PCBD2: variants seen among roughly 807,000 people sequenced by gnomAD.
PCBD2 encodes the protein pterin-4-alpha-carbinolamine dehydratase 2.
Under a neutral mutation model 16.4 loss-of-function variants are expected in PCBD2, and 12 were observed. The observed-to-expected ratio is 0.73, with a 90% confidence interval of 0.47 to 1.19. PCBD2 has a LOEUF of 1.19. PCBD2 is among the 50% of genes most tolerant of loss of function. The pLI, the probability that PCBD2 is intolerant of heterozygous loss-of-function variation, is 0.00. For missense variants in PCBD2, 138 were observed against 156.8 expected (o/e 0.88, Z 0.64); for synonymous variants, 58 against 61.8 (o/e 0.94, Z 0.29).
At chr5:134,959,254 A>G (rs1296069024) in intron 3 of PCBD2, 134 bp downstream of exon 3, 5 of 612,396 alleles carry the variant, frequency 8.2e-6, no homozygotes, top group African/African-American at 5.7e-5. Context: ...ATCCCTGTGT[A>G]TTATTGCAAA....
chr5:134,936,347 C>G (rs1304453284), intron 2 of PCBD2, among the ~76,000 whole-genome samples: 3 of 152,176 alleles, frequency 2.0e-5, no homozygotes, highest in Non-Finnish European at 4.4e-5. Flanking sequence ...TCTGCTCCTT[C>G]ACTCCTTAAT....
chr5:134,938,820 G>A (rs1445783190), intron 2 of PCBD2, among the ~76,000 whole-genome samples: 1 of 152,112 alleles, frequency 6.6e-6, no homozygotes, highest in South Asian at 2.1e-4. Flanking sequence ...TTGTTTTGAC[G>A]TAACCAAACT....
At position 134,961,786 on chromosome 5, in the gene PCBD2, G is replaced by A. The variant is rs1027387322; in HGVS notation, c.*1105G>A. On this transcript the variant is annotated 3_prime_UTR_variant, in exon 4 of 4. Coordinates refer to ENST00000254908, the MANE Select transcript of PCBD2 (RefSeq NM_032151.5). ...CTTTTGTTTTGTTTTGTTTGAGACGGGGTCTCGCTCTGCTGCCCAGGCTGG... is the reference window on the plus strand; with the variant it reads ...CTTTTGTTTTGTTTTGTTTGAGACGAGGTCTCGCTCTGCTGCCCAGGCTGG... Among the ~76,000 whole-genome samples the A allele has an allele frequency of 6.6e-6, 1 of 152,052 alleles. No homozygotes were observed. Among genetic ancestry groups the A allele is most frequent in the Non-Finnish European group, 1.5e-5 (1 of 67,996 alleles).
intron 2 of PCBD2, among the ~76,000 whole-genome samples, chr5:134,936,424 G>A (rs567040848): frequency 6.6e-6 from 1 of 152,368 alleles, no homozygotes; most frequent in African/African-American, 2.4e-5. Flanking sequence ...AACGGGAGCT[G>A]TGACCAGGGC....
At chr5:134,913,357 G>A (rs1750790447) in intron 2 of PCBD2, among the ~76,000 whole-genome samples, 1 of 152,192 alleles carries the variant, frequency 6.6e-6, no homozygotes, top group Non-Finnish European at 1.5e-5. Context: ...GATCTCTGAG[G>A]CCTGAATAAT....
intron 2 of PCBD2, chr5:134,925,217 C>T: frequency 2.5e-6 from 1 of 398,182 alleles, no homozygotes; most frequent in Non-Finnish European, 4.4e-6. Flanking sequence ...AGGGAGGTGG[C>T]GATGAGAGTA....
At chr5:134,912,827 T>C (rs1171125711) in intron 2 of PCBD2, among the ~76,000 whole-genome samples, 1 of 152,066 alleles carries the variant, frequency 6.6e-6, no homozygotes, top group African/African-American at 2.4e-5. Flanking sequence ...GTGTCAGGAG[T>C]TGGTTTTCTC....
rs193074057 is a variant in PCBD2 at position 134,956,217 on chromosome 5, A to C, written c.217-2823A>C. Reference sequence around the variant, plus strand: ...TAGTATTTTATTAAATGCAAATATTATGTGACAGTTGAAGGGAAATATGCA... The same window carrying C: ...TAGTATTTTATTAAATGCAAATATTCTGTGACAGTTGAAGGGAAATATGCA... On this transcript the variant is annotated intron_variant, in intron 2 of 3. Transcript: ENST00000254908. 1.1e-4 allele frequency among the ~76,000 whole-genome samples: 16 copies of C among 152,270 alleles called. No homozygotes were observed. In the East Asian group the frequency reaches 3.1e-3, roughly 29 times the overall value.
At chr5:134,938,469 A>T (rs914104821) in intron 2 of PCBD2, among the ~76,000 whole-genome samples, 1 of 152,232 alleles carries the variant, frequency 6.6e-6, no homozygotes, top group Admixed American at 6.5e-5. Context: ...TTTTCACCAT[A>T]TGACGAGGGT....
intron 2 of PCBD2, among the ~76,000 whole-genome samples, chr5:134,945,329 C>T (rs1269241605): frequency 6.6e-6 from 1 of 152,132 alleles, no homozygotes; most frequent in East Asian, 1.9e-4. Flanking sequence ...CCTACCTGCA[C>T]AGAGAAGGTG....
chr5:134,929,051 A>G (rs917475705), intron 2 of PCBD2, among the ~76,000 whole-genome samples: 1 of 152,212 alleles, frequency 6.6e-6, no homozygotes, highest in African/African-American at 2.4e-5. Flanking sequence ...AATCATAGGT[A>G]TTTATGGAAA....
At chr5:134,935,624 C>G (rs551678259) in intron 2 of PCBD2, among the ~76,000 whole-genome samples, 41 of 152,120 alleles carry the variant, frequency 2.7e-4, no homozygotes, top group Non-Finnish European at 5.0e-4. Flanking sequence ...GACAAAGAAA[C>G]TGATAACATA....
Position 134,960,756 on chromosome 5 carries a change from A to ACTCT in PCBD2, c.*75_*76insCTCT. 2 of 1,196,040 alleles carry ACTCT rather than the reference A, an allele frequency of 1.7e-6. No homozygotes were observed. The highest frequency in any genetic ancestry group is 2.4e-6 in the Non-Finnish European group (2 of 818,000). 74.1% of individuals were successfully genotyped at this position (1,196,040 alleles called of 1,614,324 possible). A position where few individuals can be genotyped will look rare whatever the true frequency, so the allele number is the denominator to read the frequency against. On this transcript the variant is annotated 3_prime_UTR_variant, in exon 4 of 4. Coordinates refer to ENST00000254908, the MANE Select transcript of PCBD2 (RefSeq NM_032151.5). Reference sequence around the variant, plus strand: ...ATGTTGAAGGAAATTTATGTGAACAAATAGAGTTGTTCTTTTTCTCTTTTT... The same window carrying ACTCT: ...ATGTTGAAGGAAATTTATGTGAACAACTCTATAGAGTTGTTCTTTTTCTCTTTTT...
At chr5:134,927,064 A>G (rs111897096) in intron 2 of PCBD2, 1 of 398,586 alleles carries the variant, frequency 2.5e-6, no homozygotes. Flanking sequence ...CAGAATAGTA[A>G]TGAGGATGTA....
intron 2 of PCBD2, among the ~76,000 whole-genome samples, chr5:134,942,647 A>G (rs1310149634): frequency 6.6e-6 from 1 of 152,212 alleles, no homozygotes; most frequent in Non-Finnish European, 1.5e-5. Flanking sequence ...TATGATTAAT[A>G]CCAAAATAGA....
At position 134,905,630 on chromosome 5, in the gene PCBD2, C is replaced by G. The variant is rs1292133200; in HGVS notation, c.84+407C>G. The G allele has an allele frequency of 1.7e-5, 3 of 175,484 alleles. No homozygotes were observed. In the Admixed American group the frequency reaches 1.9e-4, roughly 11 times the overall value. The allele number at this position is 175,484 out of a possible 1,614,324, so 10.9% of individuals were successfully genotyped here. ...ATGGCGGCTCCCTGCTCGCGCTTCA[C>G]TCCAAGGGGAACCCACAGAGGTTTT... On this transcript the variant is annotated intron_variant, in intron 1 of 3. Transcript: ENST00000254908.
At chr5:134,939,766 A>G (rs911709097) in intron 2 of PCBD2, among the ~76,000 whole-genome samples, 6 of 152,192 alleles carry the variant, frequency 3.9e-5, no homozygotes, top group African/African-American at 1.4e-4. Context: ...TAACTACCTT[A>G]AAGTTTTACT....
intron 2 of PCBD2, chr5:134,928,547 C>T (rs1270096969): frequency 3.7e-6 from 1 of 266,762 alleles, no homozygotes; most frequent in Admixed American, 5.5e-5. Context: ...TTAAGAATGA[C>T]TTCCAGGCTG....
intron 2 of PCBD2, among the ~76,000 whole-genome samples, chr5:134,947,050 A>G (rs1403934285): frequency 2.0e-5 from 3 of 152,140 alleles, no homozygotes; most frequent in African/African-American, 7.2e-5. Context: ...TAAAGAAGAA[A>G]AGTTAGGGAG....
Sources: allele counts gnomAD v4.1 joint callset (sites outside exome capture counted in the v4.1 genomes callset), GRCh38; gene constraint gnomAD v4.1.1; transcripts MANE v1.5; gene names NCBI Gene and HGNC (gene_info 2026-07-23, HGNC 2026-07-21).